The following WFDC1 variants were observed in gnomAD, a reference collection of about 807,000 sequenced individuals.
WFDC1 encodes the protein WAP four-disulfide core domain 1, also known as WAP four-disulfide core domain protein 1.
Under a neutral mutation model 32.9 loss-of-function variants are expected in WFDC1, and 39 were observed. That is an observed-to-expected ratio of 1.19 (90% CI 0.92 to 1.55). The LOEUF is 1.55. Ranked by LOEUF, WFDC1 falls within the 40% of genes most tolerant of loss-of-function variation. The probability of loss-of-function intolerance (pLI) is 0.00; values close to 1 mark genes in which losing one functional copy is unlikely to be tolerated. For synonymous variants in WFDC1, 184 were observed against 137.4 expected (o/e 1.34, Z -2.37); for missense variants, 386 against 309.5 (o/e 1.25, Z -1.85).
At chr16:84,296,540 A>G (rs1258652500) in intron 1 of WFDC1, among the ~76,000 whole-genome samples, 1 of 152,050 alleles carries the variant, frequency 6.6e-6, no homozygotes, top group African/African-American at 2.4e-5. Context: ...GAGAAGAGGG[A>G]AGGGAGAATG....
At position 84,326,955 on chromosome 16, in the gene WFDC1, G is replaced by T; in HGVS notation, c.*15G>T. 4 of 1,614,108 alleles carry T rather than the reference G, an allele frequency of 2.5e-6. No individual in the cohort carries two copies. The highest frequency in any genetic ancestry group is 3.4e-6 in the Non-Finnish European group (4 of 1,180,006). ...ACTTTCAGTAAAGCAACGGCAAGCA[G>T]GTGAGTGGGCAGAGAGCAAGAGTCA... On this transcript the variant is annotated splice_region_variant and 3_prime_UTR_variant, in exon 6 of 7. Coordinates refer to ENST00000219454, the MANE Select transcript of WFDC1 (RefSeq NM_021197.4).
intron 1 of WFDC1, among the ~76,000 whole-genome samples, chr16:84,303,398 C>G (rs1907063576): frequency 6.6e-6 from 1 of 151,472 alleles, no homozygotes; most frequent in African/African-American, 2.4e-5. Context: ...GGTGGCAGCT[C>G]TGGAGATTGG....
intron 3 of WFDC1, 35 bp from the exon 4 acceptor site, chr16:84,319,396 G>C (rs376462901): frequency 1.2e-5 from 20 of 1,600,670 alleles, no homozygotes; most frequent in Non-Finnish European, 1.7e-5. Flanking sequence ...CCTGGGAGTC[G>C]GCCTTCTAGA....
chr16:84,324,968 TATCA>T (rs1352299612), intron 5 of WFDC1, among the ~76,000 whole-genome samples: 1 of 151,944 alleles, frequency 6.6e-6, no homozygotes, highest in African/African-American at 2.4e-5. Context: ...TTCATTCCTC[TATCA>T]ATCTATTCAT....
chr16:84,328,780 T>TAAAC (rs71384805), intron 6 of WFDC1: 2 of 120,408 alleles, frequency 1.7e-5, no homozygotes, highest in East Asian at 2.4e-4. Context: ...TGAAACCCTA[T>TAAAC]CTCTACAAAA....
chr16:84,318,517 C>T (rs1908098562), intron 3 of WFDC1, 162 bp downstream of exon 3: 3 of 652,460 alleles, frequency 4.6e-6, no homozygotes, highest in Non-Finnish European at 8.2e-6. Context: ...CGAAGAAGGG[C>T]TGATGGCTGG....
chr16:84,310,230 C>G (rs935006141), intron 1 of WFDC1, among the ~76,000 whole-genome samples: 2 of 151,736 alleles, frequency 1.3e-5, no homozygotes, highest in Non-Finnish European at 2.9e-5. Context: ...GGCCCTAACC[C>G]TGGCCTGGGA....
At chr16:84,317,624 C>G (rs1908039329) in intron 2 of WFDC1, 1 of 152,728 alleles carries the variant, frequency 6.5e-6, no homozygotes, top group African/African-American at 2.4e-5. Flanking sequence ...ACCTGTACAC[C>G]AAACTTCACC....
intron 6 of WFDC1, chr16:84,327,277 G>A: frequency 3.4e-6 from 1 of 294,510 alleles, no homozygotes; most frequent in Non-Finnish European, 6.5e-6. Flanking sequence ...TGCAGCCTCA[G>A]ACTCCTAGGC....
chr16:84,304,079 T>C (rs1479076913), intron 1 of WFDC1, among the ~76,000 whole-genome samples: 1 of 152,228 alleles, frequency 6.6e-6, no homozygotes, highest in Non-Finnish European at 1.5e-5. Context: ...CAGCCTCTTT[T>C]GGTTGCACAT....
chr16:84,300,708 G>A (rs538859100), intron 1 of WFDC1, among the ~76,000 whole-genome samples: 1 of 152,304 alleles, frequency 6.6e-6, no homozygotes, highest in African/African-American at 2.4e-5. Context: ...GGTGGCCCAC[G>A]CCTGTAATTC....
chr16:84,316,585 C>T (rs1055597243), intron 2 of WFDC1: 2 of 151,656 alleles, frequency 1.3e-5, no homozygotes, highest in African/African-American at 4.9e-5. Flanking sequence ...CATAGGGAGA[C>T]CGCCTATCTC....
chr16:84,313,188 G>A, intron 2 of WFDC1, 35 bp downstream of exon 2: 1 of 1,393,168 alleles, frequency 7.2e-7, no homozygotes, highest in Non-Finnish European at 9.3e-7. Context: ...GGCTGAGGGA[G>A]GAGGACAGGT....
intron 5 of WFDC1, 88 bp downstream of exon 5, chr16:84,324,548 G>T (rs561027011): frequency 6.0e-5 from 89 of 1,471,888 alleles, no homozygotes; most frequent in Admixed American, 1.6e-4. Flanking sequence ...TAAAAGCCCA[G>T]GGCTGAGATA....
chr16:84,325,055 C>G (rs1467318488), intron 5 of WFDC1, among the ~76,000 whole-genome samples: 4 of 152,036 alleles, frequency 2.6e-5, no homozygotes, highest in Non-Finnish European at 5.9e-5. Flanking sequence ...TTTCACCCAC[C>G]CATCTATCCT....
chr16:84,319,305 C>T lies in WFDC1; in HGVS notation c.422-126C>T, dbSNP rs111572784. 1.8e-3 allele frequency: 2,471 copies of T among 1,365,800 alleles called. 25 individuals carry two copies. The African/African-American group carries it at 0.027, about 15-fold the overall frequency. 84.6% of individuals were successfully genotyped at this position (1,365,800 alleles called of 1,614,324 possible). On this transcript the variant is annotated intron_variant, in intron 3 of 6. Transcript: ENST00000219454. ...TAGCCTGGAACCTGGGGTACAGAGG[C>T]GAGGCCGCCTCTCTGGGTGAGGTGC...
chr16:84,311,239 A>G (rs774963819), intron 1 of WFDC1, among the ~76,000 whole-genome samples: 11 of 121,338 alleles, frequency 9.1e-5, no homozygotes, highest in Non-Finnish European at 1.8e-4. Flanking sequence ...TGTTAAGTAC[A>G]GTACTATATC....
In WFDC1 at chr16:84,294,898, C is replaced by G. The variant is rs1906488539; in HGVS notation, c.-74C>G. The stretch of plus-strand genomic sequence containing the variant: ...CCAGCAGACTGTGCACGCTCCTGTC[C>G]CCACTCACAGGCCCACGCAGCGAGG... On this transcript the variant is annotated 5_prime_UTR_variant, in exon 1 of 7. Coordinates refer to ENST00000219454, the MANE Select transcript of WFDC1 (RefSeq NM_021197.4). The G allele has an allele frequency of 1.3e-6, 2 of 1,561,110 alleles. No homozygotes were observed. Among genetic ancestry groups the G allele is most frequent in the African/African-American group, 1.4e-5 (1 of 73,760 alleles).
intron 6 of WFDC1, chr16:84,327,239 G>A: frequency 2.7e-6 from 1 of 367,502 alleles, no homozygotes; most frequent in East Asian, 5.2e-5. Flanking sequence ...CACCCAGGCT[G>A]GAGTGCACTG....
Sources: allele counts gnomAD v4.1 joint callset (sites outside exome capture counted in the v4.1 genomes callset), GRCh38; gene constraint gnomAD v4.1.1; transcripts MANE v1.5; gene names NCBI Gene and HGNC (gene_info 2026-07-23, HGNC 2026-07-21).